The following LRRC20 variants were observed in gnomAD, a reference collection of about 807,000 sequenced individuals.
LRRC20 encodes the protein leucine rich repeat containing 20, also known as leucine-rich repeat-containing protein 20.
Under a neutral mutation model 14.4 loss-of-function variants are expected in LRRC20, and 11 were observed. That is an observed-to-expected ratio of 0.77 (90% confidence interval 0.48 to 1.27). LRRC20 has a LOEUF of 1.27. Among genes scored for constraint, LRRC20 ranks in the 50% most tolerant of loss-of-function variants. The probability of loss-of-function intolerance (pLI) is 0.00; values close to 1 mark genes in which losing one functional copy is unlikely to be tolerated. For synonymous variants in LRRC20, 121 were observed against 107.3 expected (o/e 1.13, Z -0.79); for missense variants, 219 against 251.2 (o/e 0.87, Z 0.87).
In LRRC20 at chr10:70,364,510, C is replaced by G. The variant is rs144532712; in HGVS notation, c.82+11942G>C. Among the ~76,000 whole-genome samples, 63 of 152,324 alleles carry G rather than the reference C, an allele frequency of 4.1e-4. No homozygotes were observed. In the East Asian group the frequency reaches 0.012, roughly 28 times the overall value. On this transcript the variant is annotated intron_variant, in intron 2 of 4. Coordinates refer to ENST00000446961, the MANE Select transcript of LRRC20 (RefSeq NM_001278212.2). ...ATCTATTAAGTGTTTCCTGAGTACT[C>G]TTGTTCAGAAAAGGGGTTGCAACAT... is the stretch of plus-strand genomic sequence containing the variant.
intron 2 of LRRC20, among the ~76,000 whole-genome samples, chr10:70,353,555 C>T (rs1843404173): frequency 6.6e-6 from 1 of 152,086 alleles, no homozygotes; most frequent in South Asian, 2.1e-4. Flanking sequence ...GTAGCTGGGA[C>T]TACAGGCATG....
At chr10:70,308,937 G>A (rs1171240658) in intron 4 of LRRC20, among the ~76,000 whole-genome samples, 3 of 152,156 alleles carry the variant, frequency 2.0e-5, no homozygotes, top group South Asian at 2.1e-4. Context: ...GCTGGGTGTG[G>A]GGGCTAAAGA....
chr10:70,371,158 T>A (rs1367693561), intron 2 of LRRC20, among the ~76,000 whole-genome samples: 4 of 151,974 alleles, frequency 2.6e-5, no homozygotes, highest in African/African-American at 4.8e-5. Flanking sequence ...TCAGATTTTT[T>A]AAATAGAACT....
At position 70,339,482 on chromosome 10, in the gene LRRC20, G is replaced by C. The variant is rs534686122; in HGVS notation, c.232+1071C>G. ...GGTGAGAGCGCAAGGAGGCTGGAAG[G>C]GGGGCATGGAGTTGGGGTCCATGTG... On this transcript the variant is annotated intron_variant, in intron 3 of 4. Coordinates refer to ENST00000446961, the MANE Select transcript of LRRC20 (RefSeq NM_001278212.2). Among the ~76,000 whole-genome samples, 258 of 152,256 alleles carry C rather than the reference G, an allele frequency of 1.7e-3. 2 individuals carry two copies. Among genetic ancestry groups the C allele is most frequent in the Middle Eastern group, 0.01 (3 of 294 alleles).
At chr10:70,375,363 G>A (rs534218012) in intron 2 of LRRC20, among the ~76,000 whole-genome samples, 24 of 152,188 alleles carry the variant, frequency 1.6e-4, no homozygotes, top group Non-Finnish European at 3.2e-4. Context: ...ATGCTGAAGG[G>A]GTGCTACAGA....
intron 4 of LRRC20, among the ~76,000 whole-genome samples, chr10:70,313,072 G>A (rs1240806785): frequency 4.6e-5 from 7 of 152,190 alleles, no homozygotes; most frequent in African/African-American, 1.4e-4. Context: ...TCCCCTGCAC[G>A]CATATCTGAC....
intron 2 of LRRC20, among the ~76,000 whole-genome samples, chr10:70,362,107 C>T (rs369546711): frequency 1.3e-5 from 2 of 152,224 alleles, no homozygotes; most frequent in Non-Finnish European, 2.9e-5. Flanking sequence ...ATCACTTGAA[C>T]CCAGGAGGCG....
chr10:70,364,190 C>A (rs559408692), intron 2 of LRRC20, among the ~76,000 whole-genome samples: 21 of 152,218 alleles, frequency 1.4e-4, no homozygotes, highest in Non-Finnish European at 2.6e-4. Context: ...CCCCTCACCC[C>A]TACCAGATGC....
rs557832926 is a variant in LRRC20 at position 70,324,720 on chromosome 10, C to T, written c.233-690G>A. ...GCTGAATCTAGTGAGAGAAGCCGGG[C>T]GCCCACAGGGCCCTGTGCAGGGAGG... On this transcript the variant is annotated intron_variant, in intron 3 of 4. Coordinates refer to ENST00000446961, the MANE Select transcript of LRRC20 (RefSeq NM_001278212.2). Among the ~76,000 whole-genome samples, 21 of 152,106 alleles carry T rather than the reference C, an allele frequency of 1.4e-4. 1 individual carries two copies. In the South Asian group the frequency reaches 3.7e-3, roughly 27 times the overall value.
intron 2 of LRRC20, among the ~76,000 whole-genome samples, chr10:70,372,702 A>C (rs964602664): frequency 1.3e-5 from 2 of 152,026 alleles, no homozygotes; most frequent in Non-Finnish European, 2.9e-5. Context: ...TCGGCCACCC[A>C]AAGTGCTGGG....
At position 70,340,779 on chromosome 10, in the gene LRRC20, C is replaced by A; in HGVS notation, c.83-77G>T. 7 of 1,500,666 alleles carry A rather than the reference C, an allele frequency of 4.7e-6. 1 individual carries two copies. The South Asian group carries it at 8.3e-5, about 18-fold the overall frequency. The allele number at this position is 1,500,666 out of a possible 1,614,324, so 93.0% of individuals were successfully genotyped here. On this transcript the variant is annotated intron_variant, in intron 2 of 4. Coordinates refer to ENST00000446961, the MANE Select transcript of LRRC20 (RefSeq NM_001278212.2). ...GAACTTGTCCCAGACTCACACAGAC[C>A]CCACCTCCATGCCCCCTTCCAGCCT...
chr10:70,379,021 C>T (rs1844611391), intron 1 of LRRC20, among the ~76,000 whole-genome samples: 1 of 152,166 alleles, frequency 6.6e-6, no homozygotes, highest in Non-Finnish European at 1.5e-5. Flanking sequence ...AGGGAATAGA[C>T]CTATACTGTG....
intron 2 of LRRC20, among the ~76,000 whole-genome samples, chr10:70,345,126 A>G (rs1322673299): frequency 1.3e-5 from 2 of 152,212 alleles, no homozygotes; most frequent in East Asian, 1.9e-4. Context: ...TAAAATAATT[A>G]AAACAGAGGG....
intron 4 of LRRC20, among the ~76,000 whole-genome samples, chr10:70,307,702 G>A (rs986549114): frequency 6.6e-6 from 1 of 152,254 alleles, no homozygotes; most frequent in Non-Finnish European, 1.5e-5. Context: ...TGGGTGGGTA[G>A]TGGTTATTAA....
chr10:70,347,276 G>A (rs1843108335), intron 2 of LRRC20, among the ~76,000 whole-genome samples: 1 of 152,156 alleles, frequency 6.6e-6, no homozygotes, highest in African/African-American at 2.4e-5. Flanking sequence ...ACTCTGCATT[G>A]GGCTGGGGCA....
In LRRC20 at chr10:70,348,500, C is replaced by T. The variant is rs80211275; in HGVS notation, c.83-7798G>A. ...CTATTTCACATGTGCTATGTAAGTA[C>T]GAACTATCCCCTCTGCACACAGGAG... On this transcript the variant is annotated intron_variant, in intron 2 of 4. Coordinates refer to ENST00000446961, the MANE Select transcript of LRRC20 (RefSeq NM_001278212.2). Among the ~76,000 whole-genome samples the T allele has an allele frequency of 1.8e-3, 276 of 152,306 alleles. 1 individual carries two copies. Among genetic ancestry groups the T allele is most frequent in the African/African-American group, 6.2e-3 (256 of 41,562 alleles).
rs576614432 is a variant in LRRC20, at chr10:70,357,663, C to A, written c.83-16961G>T. Among the ~76,000 whole-genome samples the A allele has an allele frequency of 8.4e-3, 1,275 of 151,798 alleles. 14 individuals are homozygous for A. The highest frequency in any genetic ancestry group is 0.056 in the South Asian group (270 of 4,820). ...GGGCTCTGGGACTTTCCAAAAAAAA[C>A]CCTCCTTCCTGGCAAGCCAGTAAGG... On this transcript the variant is annotated intron_variant, in intron 2 of 4. Transcript: ENST00000446961.
At chr10:70,309,096 G>A (rs557904513) in intron 4 of LRRC20, among the ~76,000 whole-genome samples, 2 of 152,242 alleles carry the variant, frequency 1.3e-5, no homozygotes, top group Non-Finnish European at 2.9e-5. Context: ...ATTCCCCAGC[G>A]GCACAGCCAG....
At chr10:70,317,435 A>C (rs1243055140) in intron 4 of LRRC20, among the ~76,000 whole-genome samples, 1 of 151,928 alleles carries the variant, frequency 6.6e-6, no homozygotes, top group Non-Finnish European at 1.5e-5. Context: ...ACAGTGGTGC[A>C]ATCATAGTTC....
Sources: allele counts gnomAD v4.1 joint callset (sites outside exome capture counted in the v4.1 genomes callset), GRCh38; gene constraint gnomAD v4.1.1; transcripts MANE v1.5; gene names NCBI Gene and HGNC (gene_info 2026-07-23, HGNC 2026-07-21).